The following KCNG3 variants were observed in gnomAD, a reference collection of about 807,000 sequenced individuals.
The protein encoded by KCNG3 is potassium voltage-gated channel modifier subfamily G member 3.
Under a neutral mutation model 29.0 loss-of-function variants are expected in KCNG3, and 15 were observed. The observed-to-expected ratio is 0.52, with a 90% CI of 0.35 to 0.80. KCNG3 has a LOEUF of 0.80. Among genes scored for constraint, KCNG3 ranks in the 30% least tolerant of loss-of-function variants. KCNG3 has a pLI of 0.01. For missense variants in KCNG3, 512 were observed against 605.7 expected (o/e 0.85, Z 1.62); for synonymous variants, 322 against 248.9 (o/e 1.29, Z -2.76).
chr2:42,389,020 C>T, the KCNG3 span, among the ~76,000 whole-genome samples: 1 of 152,080 alleles, frequency 6.6e-6, no homozygotes, highest in Non-Finnish European at 1.5e-5. Context: ...CAGGTTCACG[C>T]GATTCTCCTG....
At chr2:42,483,500 G>A (rs1673642947) in intron 1 of KCNG3, among the ~76,000 whole-genome samples, 1 of 152,126 alleles carries the variant, frequency 6.6e-6, no homozygotes, top group Non-Finnish European at 1.5e-5. Flanking sequence ...TGGGAGCATG[G>A]GAATCAGAGC....
chr2:42,439,834 G>C (rs998396140), downstream of KCNG3, among the ~76,000 whole-genome samples: 1 of 150,744 alleles, frequency 6.6e-6, no homozygotes, highest in Admixed American at 6.6e-5. Context: ...GTAGAGATGG[G>C]TTTTCACCAT....
At chr2:42,445,361 C>G (rs1009718037) in intron 1 of KCNG3, among the ~76,000 whole-genome samples, 1 of 152,100 alleles carries the variant, frequency 6.6e-6, no homozygotes, top group Admixed American at 6.6e-5. Flanking sequence ...TGGTAACTTA[C>G]AGTCAATGCA....
the KCNG3 span, among the ~76,000 whole-genome samples, chr2:42,398,091 C>T: frequency 3.3e-5 from 5 of 152,014 alleles, no homozygotes; most frequent in South Asian, 6.2e-4. Flanking sequence ...GGCATGGTGG[C>T]GGGCGCCTGT....
intron 1 of KCNG3, among the ~76,000 whole-genome samples, chr2:42,480,494 C>T (rs914332066): frequency 6.6e-6 from 1 of 152,146 alleles, no homozygotes; most frequent in Admixed American, 6.5e-5. Context: ...TCTATTGCAA[C>T]TACCCACCTC....
chr2:42,389,897 C>T, the KCNG3 span, among the ~76,000 whole-genome samples: 6 of 152,166 alleles, frequency 3.9e-5, no homozygotes, highest in Non-Finnish European at 8.8e-5. Context: ...GTCTGTGATG[C>T]TAACTAGTGG....
the KCNG3 span, among the ~76,000 whole-genome samples, chr2:42,390,062 C>G: frequency 1.3e-5 from 2 of 152,186 alleles, no homozygotes. Context: ...GGGGAAGGCT[C>G]TCTATGTGGG....
At chr2:42,458,639 T>C (rs1330441339) in intron 1 of KCNG3, among the ~76,000 whole-genome samples, 1 of 152,186 alleles carries the variant, frequency 6.6e-6, no homozygotes, top group African/African-American at 2.4e-5. Flanking sequence ...TTTGGCATAA[T>C]TCAATATTCA....
At chr2:42,391,193 CAGA>C in the KCNG3 span, among the ~76,000 whole-genome samples, 1 of 152,176 alleles carries the variant, frequency 6.6e-6, no homozygotes, top group African/African-American at 2.4e-5. Context: ...GAAATTAGAG[CAGA>C]AGAACATTTC....
chr2:42,431,020 C>T, the KCNG3 span, among the ~76,000 whole-genome samples: 2 of 150,828 alleles, frequency 1.3e-5, no homozygotes, highest in Non-Finnish European at 3.0e-5. Context: ...ACATGAAAAT[C>T]ACTTGAACCC....
At chr2:42,468,760 C>T (rs1454508500) in intron 1 of KCNG3, among the ~76,000 whole-genome samples, 1 of 151,462 alleles carries the variant, frequency 6.6e-6, no homozygotes, top group Non-Finnish European at 1.5e-5. Context: ...CAAGACCAAC[C>T]TGGCCAAGAT....
intron 1 of KCNG3, among the ~76,000 whole-genome samples, chr2:42,469,416 C>CAAA (rs57425538): frequency 0.019 from 1,378 of 74,352 alleles, 23 homozygotes; most frequent in East Asian, 0.043. Flanking sequence ...GACTCTGTCT[C>CAAA]AAAAAAAAAA....
intron 1 of KCNG3, among the ~76,000 whole-genome samples, chr2:42,475,414 T>C (rs1673399246): frequency 6.6e-6 from 1 of 151,500 alleles, no homozygotes; most frequent in Non-Finnish European, 1.5e-5. Flanking sequence ...CTGCAACCTC[T>C]TTCTCCCAGG....
chr2:42,487,339 T>C (rs905498269), intron 1 of KCNG3, among the ~76,000 whole-genome samples: 3 of 111,152 alleles, frequency 2.7e-5, no homozygotes, highest in South Asian at 3.4e-4. Flanking sequence ...TTTCTTTTTT[T>C]TTTCTTTCTT....
In KCNG3 at chr2:42,443,566, T is replaced by G. The variant is rs897083593; in HGVS notation, c.*368A>C. 4.8e-5 allele frequency: 8 copies of G among 167,550 alleles called. No individual in the cohort carries two copies. Among genetic ancestry groups the G allele is most frequent in the Non-Finnish European group, 8.9e-5 (7 of 78,506 alleles). 10.4% of individuals were successfully genotyped at this position (167,550 alleles called of 1,614,324 possible). ...TGTTACTCTCAAACAAAAAACACTA[T>G]AAGTTCCAAGCTTCTTCTGAATTCA... On this transcript the variant is annotated 3_prime_UTR_variant, in exon 2 of 2. Coordinates refer to ENST00000306078, the MANE Select transcript of KCNG3 (RefSeq NM_133329.6).
the KCNG3 span, among the ~76,000 whole-genome samples, chr2:42,402,298 T>C: frequency 1.1e-3 from 173 of 152,344 alleles, 1 homozygote; most frequent in African/African-American, 3.9e-3. Flanking sequence ...TGGACTCCAA[T>C]ATCATATGAG....
chr2:42,461,712 G>T (rs577712943), intron 1 of KCNG3, among the ~76,000 whole-genome samples: 9 of 152,212 alleles, frequency 5.9e-5, no homozygotes, highest in African/African-American at 2.2e-4. Context: ...AATACAAGAA[G>T]ATCAATCTCA....
the KCNG3 span, among the ~76,000 whole-genome samples, chr2:42,436,387 T>C: frequency 6.6e-6 from 1 of 152,228 alleles, no homozygotes; most frequent in African/African-American, 2.4e-5. Flanking sequence ...ATACGAATTA[T>C]GTCTCATCTT....
At chr2:42,395,625 A>T in the KCNG3 span, among the ~76,000 whole-genome samples, 1 of 152,222 alleles carries the variant, frequency 6.6e-6, no homozygotes, top group Admixed American at 6.5e-5. Flanking sequence ...ATTACGTTTC[A>T]GTAAACCCAT....
Sources: gnomAD v4.1 joint callset for allele counts (sites outside exome capture counted in the v4.1 genomes callset) on GRCh38, gnomAD v4.1.1 for gene constraint, MANE v1.5 for transcripts, NCBI Gene and HGNC (gene_info 2026-07-23, HGNC 2026-07-21) for gene names.